The following SH3BP4 variants were observed in gnomAD, a reference collection of about 807,000 sequenced individuals.
The protein encoded by SH3BP4 is SH3 domain binding protein 4.
Under a neutral mutation model 65.5 loss-of-function variants are expected in SH3BP4, and 33 were observed. The ratio of observed to expected loss-of-function variants is 0.50; its 90% confidence interval spans 0.38 to 0.67. The LOEUF (loss-of-function observed/expected upper bound fraction) is 0.67. SH3BP4 is among the 30% of genes least tolerant of loss of function. SH3BP4 has a pLI of 0.00. For synonymous variants in SH3BP4, 552 were observed against 545.5 expected (o/e 1.01, Z -0.17); for missense variants, 1,134 against 1,261.4 (o/e 0.90, Z 1.53).
chr2:234,993,794 G>A (rs933196596), intron 1 of SH3BP4, among the ~76,000 whole-genome samples: 5 of 152,228 alleles, frequency 3.3e-5, no homozygotes, highest in African/African-American at 4.8e-5. Flanking sequence ...AGGGATGGAC[G>A]GATGGCGGCG....
chr2:235,043,294 A>G, intron 4 of SH3BP4, 47 bp downstream of exon 4: 1 of 1,473,088 alleles, frequency 6.8e-7, no homozygotes, highest in East Asian at 2.3e-5. Flanking sequence ...CTGCTCAGCA[A>G]AGCCTTTCCG....
rs1286389699 is a variant in SH3BP4 at position 234,977,793 on chromosome 2, G to T, written c.-206-17510G>T. Among the ~76,000 whole-genome samples the T allele has an allele frequency of 6.6e-6, 1 of 152,028 alleles. No individual in the cohort carries two copies. Among genetic ancestry groups the T allele is most frequent in the East Asian group, 1.9e-4 (1 of 5,176 alleles). On this transcript the variant is annotated intron_variant, in intron 1 of 5. Coordinates refer to ENST00000392011, the MANE Select transcript of SH3BP4 (RefSeq NM_014521.3). The surrounding 1 kb of genome is among the most constrained non-coding windows in gnomAD (Gnocchi z 5.1). ...CTGGGAAAGACACGCACACGCATATGCACACACATGGGCACACACACACAT... is the reference window on the plus strand; with the variant it reads ...CTGGGAAAGACACGCACACGCATATTCACACACATGGGCACACACACACAT...
rs892718913 is a variant in SH3BP4 at position 234,976,467 on chromosome 2, T to C, written c.-206-18836T>C. Among the ~76,000 whole-genome samples the C allele has an allele frequency of 6.6e-6, 1 of 152,084 alleles. No homozygotes were observed. The highest frequency in any genetic ancestry group is 1.5e-5 in the Non-Finnish European group (1 of 68,016). On this transcript the variant is annotated intron_variant, in intron 1 of 5. Transcript: ENST00000392011. The surrounding 1 kb of genome is among the most constrained non-coding windows in gnomAD (Gnocchi z 4.7). ...ACCAGGTTAAGGTCTCTCTTGCATT[T>C]TGTGGGTGGCTGCCTGCAGTTAAGC...
rs534081326 is a variant in SH3BP4, at chr2:235,045,481, G to A, written c.2478+2234G>A. Among the ~76,000 whole-genome samples the A allele has an allele frequency of 1.8e-4, 28 of 152,194 alleles. No individual in the cohort carries two copies. The highest frequency in any genetic ancestry group is 3.2e-4 in the Non-Finnish European group (22 of 68,040). The stretch of plus-strand genomic sequence containing the variant: ...GCCTCCCTGTCCGCTCCAGGGAGGG[G>A]TGTGTCCTCTGTGCCCGAGTCCTTC... On this transcript the variant is annotated intron_variant, in intron 4 of 5. Transcript: ENST00000392011. The surrounding 1 kb of genome is among the most constrained non-coding windows in gnomAD (Gnocchi z 4.3).
At chr2:234,996,496 C>G (rs932404912) in intron 2 of SH3BP4, among the ~76,000 whole-genome samples, 1 of 152,308 alleles carries the variant, frequency 6.6e-6, no homozygotes, top group Admixed American at 6.5e-5. Flanking sequence ...TTCAGGAGTT[C>G]TCTGGTCCCA....
At chr2:234,973,426 A>G (rs1693056226) in intron 1 of SH3BP4, among the ~76,000 whole-genome samples, 1 of 152,128 alleles carries the variant, frequency 6.6e-6, no homozygotes, top group Non-Finnish European at 1.5e-5. Flanking sequence ...AGCATTTCTA[A>G]GCAGTATGTA....
chr2:235,000,268 C>T (rs1475021584), intron 2 of SH3BP4, among the ~76,000 whole-genome samples: 1 of 152,228 alleles, frequency 6.6e-6, no homozygotes, highest in African/African-American at 2.4e-5. Flanking sequence ...CCTGTAGCCT[C>T]TCTGGGCCTC....
In SH3BP4 at chr2:235,038,373, ATACATATATATATATATATAT is replaced by A. The variant is rs1695507690; in HGVS notation, c.119-2514_119-2494del. Among the ~76,000 whole-genome samples the A allele has an allele frequency of 9.5e-5, 4 of 41,992 alleles. 2 individuals carry two copies. In the Admixed American group the frequency reaches 1.4e-3, roughly 15 times the overall value. The allele number at this position is 41,992 out of a possible 152,430, so 27.5% of individuals were successfully genotyped here. On this transcript the variant is annotated intron_variant, in intron 3 of 5. Coordinates refer to ENST00000392011, the MANE Select transcript of SH3BP4 (RefSeq NM_014521.3). Reference sequence around the variant, plus strand: ...TTTTATATATATATATATAATATATATACATATATATATATATATATATATATATATATATATATATATGAG... The same window carrying A: ...TTTTATATATATATATATAATATATAATATATATATATATATATATATGAG...
chr2:235,025,842 T>C (rs1185984587), intron 2 of SH3BP4, among the ~76,000 whole-genome samples: 1 of 152,078 alleles, frequency 6.6e-6, no homozygotes, highest in Non-Finnish European at 1.5e-5. Context: ...TAGGTTTTGA[T>C]GTTATAGAAA....
chr2:234,977,555 G>C lies in SH3BP4; in HGVS notation c.-206-17748G>C, dbSNP rs908015232. Among the ~76,000 whole-genome samples the C allele has an allele frequency of 6.6e-6, 1 of 152,110 alleles. No homozygotes were observed. Among genetic ancestry groups the C allele is most frequent in the Non-Finnish European group, 1.5e-5 (1 of 68,018 alleles). On this transcript the variant is annotated intron_variant, in intron 1 of 5. Transcript: ENST00000392011. The surrounding 1 kb of genome is among the most constrained non-coding windows in gnomAD (Gnocchi z 5.1). ...TCAGAGCCCAGAGCACCCAGCTCTGGGGCGACTGGCAGGTGTTGGACCTGT... is the reference window on the plus strand; with the variant it reads ...TCAGAGCCCAGAGCACCCAGCTCTGCGGCGACTGGCAGGTGTTGGACCTGT...
At position 234,952,886 on chromosome 2, in the gene SH3BP4, G is replaced by A. The variant is rs558649873; in HGVS notation, c.-207+716G>A. The A allele has an allele frequency of 1.3e-5, 2 of 152,296 alleles. No homozygotes were observed. Among genetic ancestry groups the A allele is most frequent in the African/African-American group, 4.8e-5 (2 of 41,576 alleles). 9.4% of individuals were successfully genotyped at this position (152,296 alleles called of 1,614,324 possible). On this transcript the variant is annotated intron_variant, in intron 1 of 5. Transcript: ENST00000392011. The surrounding 1 kb of genome is among the most constrained non-coding windows in gnomAD (Gnocchi z 6.5). ...AGAAGCCCGCTCCGCGGCACGGGCG[G>A]GTGTCAGTTGGGACCCCAACCCTGG... is the stretch of plus-strand genomic sequence containing the variant.
intron 2 of SH3BP4, among the ~76,000 whole-genome samples, chr2:235,013,756 T>C (rs1200151414): frequency 6.6e-6 from 1 of 152,196 alleles, no homozygotes; most frequent in Admixed American, 6.5e-5. Flanking sequence ...AATTGCAATG[T>C]TCAGATAGTT....
chr2:234,995,932 A>G (rs1029287585), intron 2 of SH3BP4: 3 of 152,282 alleles, frequency 2.0e-5, no homozygotes, highest in Non-Finnish European at 4.4e-5. Context: ...AAATGTTCCA[A>G]GGAAGCCTCA....
In SH3BP4 at chr2:234,952,481, C is replaced by T. The variant is rs1429692681; in HGVS notation, c.-207+311C>T. ...CGCGTGCGCTCGGGCCGCCCCCCAA[C>T]CCCGGCTCTGGCCACTTCCCGGCGG... is the stretch of plus-strand genomic sequence containing the variant. On this transcript the variant is annotated intron_variant, in intron 1 of 5. Coordinates refer to ENST00000392011, the MANE Select transcript of SH3BP4 (RefSeq NM_014521.3). The surrounding 1 kb of genome is among the most constrained non-coding windows in gnomAD (Gnocchi z 6.5). Among the ~76,000 whole-genome samples, 7 of 151,554 alleles carry T rather than the reference C, an allele frequency of 4.6e-5. No homozygotes were observed.
intron 1 of SH3BP4, among the ~76,000 whole-genome samples, chr2:234,959,905 G>A (rs1692668666): frequency 6.6e-6 from 1 of 152,158 alleles, no homozygotes; most frequent in South Asian, 2.1e-4. Context: ...GCCCACCTCG[G>A]CCTCCCAAAG....
chr2:235,004,747 C>G (rs1465458514), intron 2 of SH3BP4, among the ~76,000 whole-genome samples: 1 of 152,186 alleles, frequency 6.6e-6, no homozygotes, highest in African/African-American at 2.4e-5. Context: ...CATTGTATGG[C>G]TATGTTACAT....
chr2:234,977,751 A>G lies in SH3BP4; in HGVS notation c.-206-17552A>G, dbSNP rs185638357. Among the ~76,000 whole-genome samples the G allele has an allele frequency of 3.9e-4, 59 of 152,216 alleles. No homozygotes were observed. The highest frequency in any genetic ancestry group is 1.4e-3 in the African/African-American group (57 of 41,542). ...TTTTTTTTGCTTATGCAGTTAGTGC[A>G]CAGAGTGAGCCCTGCGCTGGGAAAG... On this transcript the variant is annotated intron_variant, in intron 1 of 5. Transcript: ENST00000392011. The surrounding 1 kb of genome is among the most constrained non-coding windows in gnomAD (Gnocchi z 5.1).
At chr2:234,968,575 C>G (rs761824968) in intron 1 of SH3BP4, among the ~76,000 whole-genome samples, 3 of 151,960 alleles carry the variant, frequency 2.0e-5, no homozygotes, top group Non-Finnish European at 2.9e-5. Flanking sequence ...CTCTGGGACA[C>G]GGGGTTTCAG....
rs1211348985 is a variant in SH3BP4, at chr2:235,026,103, G to T, written c.-132-8768G>T. 6.6e-6 allele frequency among the ~76,000 whole-genome samples: 1 copy of T among 152,116 alleles called. No homozygotes were observed. Among genetic ancestry groups the T allele is most frequent in the African/African-American group, 2.4e-5 (1 of 41,410 alleles). On this transcript the variant is annotated intron_variant, in intron 2 of 5. Transcript: ENST00000392011. This position sits in a 1 kb window ranked among gnomAD's most constrained non-coding sequence, Gnocchi z 4.6. ...TGTGCTGAGAACAACCCTACAGAGG[G>T]GATGGGGGAGGGATGGGGCCAGGAA...
Sources: gnomAD v4.1 joint callset for allele counts (sites outside exome capture counted in the v4.1 genomes callset) on GRCh38, gnomAD v4.1.1 for gene constraint, Gnocchi (gnomAD v3.1) non-coding constraint, MANE v1.5 for transcripts, NCBI Gene and HGNC (gene_info 2026-07-23, HGNC 2026-07-21) for gene names.